Variants in ZNF705A observed in about 807,000 individuals in gnomAD.
ZNF705A encodes the protein zinc finger protein 705A.
A neutral mutation model predicts 16.6 loss-of-function variants in ZNF705A; 8 were observed. The observed-to-expected ratio is 0.48, with a 90% CI of 0.28 to 0.87. The LOEUF is 0.87. Among genes scored for constraint, ZNF705A ranks in the 40% least tolerant of loss-of-function variants. The pLI is 0.10. For synonymous variants in ZNF705A, 73 were observed against 117.3 expected (o/e 0.62, Z 2.44); for missense variants, 233 against 359.9 (o/e 0.65, Z 2.85).
chr12:8,175,733 T>C, intron 3 of ZNF705A, 127 bp from the exon 5 acceptor site: 1 of 1,338,082 alleles, frequency 7.5e-7, no homozygotes, highest in Non-Finnish European at 1.0e-6. Context: ...TCAAGTAGTT[T>C]CTTCATTTGA....
At chr12:8,174,623 TTTTTA>T (rs1390084335) in intron 2 of ZNF705A, among the ~76,000 whole-genome samples, 171 bp downstream of exon 3, 2 of 152,236 alleles carry the variant, frequency 1.3e-5, no homozygotes, top group African/African-American at 4.8e-5. Flanking sequence ...AATATCTTTC[TTTTTA>T]TTTTATTTTA....
intron 1 of ZNF705A, among the ~76,000 whole-genome samples, chr12:8,157,343 T>C (rs1321333329): frequency 6.6e-6 from 1 of 152,156 alleles, no homozygotes; most frequent in Non-Finnish European, 1.5e-5. Context: ...AACATGTGAA[T>C]TGGATTTAAA....
intron 1 of ZNF705A, among the ~76,000 whole-genome samples, chr12:8,165,977 T>C (rs1464577350): frequency 6.6e-6 from 1 of 152,240 alleles, no homozygotes; most frequent in African/African-American, 2.4e-5. Flanking sequence ...AATAAATATA[T>C]GAGTGCACAC....
At chr12:8,176,629 A>G (rs1259226256) in intron 4 of ZNF705A, among the ~76,000 whole-genome samples, 1 of 152,202 alleles carries the variant, frequency 6.6e-6, no homozygotes, top group East Asian at 1.9e-4. Context: ...TGTCTGGTGA[A>G]CTGGGGATGA....
upstream of ZNF705A, among the ~76,000 whole-genome samples, chr12:8,169,140 C>T (rs1334030876): frequency 6.6e-6 from 1 of 152,082 alleles, no homozygotes; most frequent in East Asian, 1.9e-4. Context: ...TTGCATATTC[C>T]TTTTTTTAAA....
intron 1 of ZNF705A, 139 bp downstream of exon 2, chr12:8,172,776 G>A (rs1948455347): frequency 9.2e-6 from 13 of 1,407,070 alleles, no homozygotes; most frequent in Non-Finnish European, 1.2e-5. Flanking sequence ...CACCTAGCCT[G>A]GGTATTCCAA....
chr12:8,157,132 T>A (rs184280236), intron 1 of ZNF705A, 40 bp downstream of exon 1: 1 of 397,408 alleles, frequency 2.5e-6, no homozygotes, highest in South Asian at 1.3e-4. Flanking sequence ...CCTGTTCTAA[T>A]GTCCACATTC....
chr12:8,168,901 TA>T (rs1378490322), upstream of ZNF705A: 1 of 152,238 alleles, frequency 6.6e-6, no homozygotes, highest in Non-Finnish European at 1.5e-5. Context: ...GTACTTAGAT[TA>T]TTTTTTTAAA....
chr12:8,175,888 C>T, exon 4 of ZNF705A: 1 of 1,611,492 alleles, frequency 6.2e-7, no homozygotes, highest in Non-Finnish European at 8.5e-7. Context: ...AGAAAAAACA[C>T]ATGATATCCA....
chr12:8,179,020 G>T (rs1316230586), exon 5 of ZNF705A: 3 of 152,198 alleles, frequency 2.0e-5, no homozygotes, highest in Non-Finnish European at 4.4e-5. Context: ...GTGTGTCATT[G>T]CATAGATTTA....
At chr12:8,168,449 G>C (rs10840914), upstream of ZNF705A, among the ~76,000 whole-genome samples, 82,501 of 151,960 alleles carry the variant, frequency 0.54, 22,603 homozygotes, top group Non-Finnish European at 0.57. Flanking sequence ...ATTGTTACTT[G>C]ACATTCTCAT....
At chr12:8,178,711 T>C (rs1029106246) in exon 5 of ZNF705A, 4 of 152,386 alleles carry the variant, frequency 2.6e-5, no homozygotes, top group Middle Eastern at 3.4e-3. Context: ...ATTAAACTTT[T>C]CCAAAAGATC....
chr12:8,177,595 A>G, exon 5 of ZNF705A: 1 of 1,449,176 alleles, frequency 6.9e-7, no homozygotes, highest in Non-Finnish European at 9.7e-7. Context: ...ATGAGAGAAC[A>G]TGCACTGGAG....
chr12:8,179,941 A>T (rs1390706851), exon 5 of ZNF705A: 1 of 152,150 alleles, frequency 6.6e-6, no homozygotes. Flanking sequence ...TCTCTTATTC[A>T]AGCTCATCTT....
chr12:8,168,290 C>T (rs1337608491), upstream of ZNF705A, among the ~76,000 whole-genome samples: 1 of 152,222 alleles, frequency 6.6e-6, no homozygotes, highest in Non-Finnish European at 1.5e-5. Context: ...TGATAACTGA[C>T]AGGCCGTCAC....
At chr12:8,174,982 T>C (rs985097612) in intron 2 of ZNF705A, among the ~76,000 whole-genome samples, 2 of 152,218 alleles carry the variant, frequency 1.3e-5, no homozygotes, top group African/African-American at 2.4e-5. Context: ...AACTTAGGCA[T>C]GGACTCAGCA....
chr12:8,171,173 C>T (rs1258344085), upstream of ZNF705A, among the ~76,000 whole-genome samples: 1 of 152,174 alleles, frequency 6.6e-6, no homozygotes, highest in Non-Finnish European at 1.5e-5. Flanking sequence ...TCTGTAAGCA[C>T]AATGTCACAA....
chr12:8,157,388 G>A (rs7973072), intron 1 of ZNF705A, among the ~76,000 whole-genome samples: 133,236 of 151,830 alleles, frequency 0.88, 59,940 homozygotes, highest in Non-Finnish European at 0.98. Flanking sequence ...CCAAACCCAA[G>A]TCTAAAATAG....
At chr12:8,175,817 T>C in intron 3 of ZNF705A, 43 bp from the exon 5 acceptor site, 1 of 1,607,372 alleles carries the variant, frequency 6.2e-7, no homozygotes, top group East Asian at 2.2e-5. Context: ...ACAATTTTAT[T>C]ACCATAATAC....
Sources: gnomAD v4.1 joint callset for allele counts (sites outside exome capture counted in the v4.1 genomes callset) on GRCh38, gnomAD v4.1.1 for gene constraint, MANE v1.5 for transcripts, NCBI Gene and HGNC (gene_info 2026-07-23, HGNC 2026-07-21) for gene names.